RGS6: variants seen among roughly 807,000 people sequenced by gnomAD.
RGS6 encodes regulator of G protein signaling 6.
In RGS6, 30 loss-of-function variants were observed where a neutral mutation model predicts 78.5. The observed-to-expected ratio is 0.38, with a 90% CI of 0.29 to 0.52. The LOEUF is 0.52. RGS6 is among the 20% of genes least tolerant of loss of function. RGS6 has a pLI of 0.85. For synonymous variants in RGS6, 206 were observed against 206.0 expected, an observed-to-expected ratio of 1.00 and a Z score of 0.00; for missense variants, 495 against 609.7, an observed-to-expected ratio of 0.81 and a Z score of 1.98.
chr14:72,360,286 C>G, intron 3 of RGS6, among the ~76,000 whole-genome samples: 1 of 151,952 alleles, frequency 6.6e-6, no homozygotes, highest in Non-Finnish European at 1.5e-5. Flanking sequence ...CTTTGGGAGG[C>G]TGAGGTAGGC....
At chr14:72,243,774 T>C (rs960271472) in intron 2 of RGS6, among the ~76,000 whole-genome samples, 3 of 152,128 alleles carry the variant, frequency 2.0e-5, no homozygotes, top group Non-Finnish European at 4.4e-5. Flanking sequence ...TTTCTTGTCT[T>C]TATAACCCTG....
intron 3 of RGS6, among the ~76,000 whole-genome samples, chr14:72,377,825 A>G (rs114925934): frequency 6.6e-6 from 1 of 152,088 alleles, no homozygotes; most frequent in African/African-American, 2.4e-5. Flanking sequence ...AAAAGATTAA[A>G]AAATTAACCA....
intron 2 of RGS6, among the ~76,000 whole-genome samples, chr14:72,285,192 G>A (rs372742427): frequency 2.0e-5 from 3 of 152,272 alleles, no homozygotes; most frequent in African/African-American, 7.2e-5. Context: ...TGAGGGCATG[G>A]TTGGCTTTGA....
At chr14:72,124,866 C>T (rs1207896558) in intron 2 of RGS6, among the ~76,000 whole-genome samples, 1 of 152,120 alleles carries the variant, frequency 6.6e-6, no homozygotes, top group Non-Finnish European at 1.5e-5. Context: ...ACTCCCATGC[C>T]CTTCTCCAGT....
At chr14:71,957,750 G>A (rs141951656) in intron 1 of RGS6, among the ~76,000 whole-genome samples, 12 of 152,090 alleles carry the variant, frequency 7.9e-5, no homozygotes, top group African/African-American at 2.7e-4. Context: ...TTTAACAGAT[G>A]GAATGCAAAA....
At chr14:72,033,950 C>CA (rs1344790814) in intron 2 of RGS6, among the ~76,000 whole-genome samples, 1 of 152,066 alleles carries the variant, frequency 6.6e-6, no homozygotes, top group Non-Finnish European at 1.5e-5. Context: ...TGATAGTGGC[C>CA]ATCCTAACAG....
chr14:72,019,065 C>T (rs2087758693), intron 2 of RGS6, among the ~76,000 whole-genome samples: 1 of 152,124 alleles, frequency 6.6e-6, no homozygotes, highest in Non-Finnish European at 1.5e-5. Context: ...AAATCAGCTC[C>T]CTAACCATGA....
chr14:72,006,941 T>C (rs1317521513), intron 2 of RGS6, among the ~76,000 whole-genome samples: 1 of 152,154 alleles, frequency 6.6e-6, no homozygotes, highest in African/African-American at 2.4e-5. Context: ...GTTTGGACTT[T>C]GAGGAGGCTG....
At chr14:72,604,453 G>T in the RGS6 span, among the ~76,000 whole-genome samples, 1 of 152,116 alleles carries the variant, frequency 6.6e-6, no homozygotes, top group Non-Finnish European at 1.5e-5. Context: ...ACATATCTGT[G>T]GTTCCATCCT....
intron 15 of RGS6, among the ~76,000 whole-genome samples, chr14:72,527,800 C>A (rs2097136584): frequency 6.6e-6 from 1 of 152,238 alleles, no homozygotes; most frequent in Non-Finnish European, 1.5e-5. Context: ...TCTGTCCACA[C>A]AGCCTCATTT....
At chr14:72,361,573 A>G (rs935184802) in intron 3 of RGS6, among the ~76,000 whole-genome samples, 24 of 152,220 alleles carry the variant, frequency 1.6e-4, no homozygotes, top group African/African-American at 5.1e-4. Context: ...AGATATAACC[A>G]TAGGAACAAG....
intron 8 of RGS6, among the ~76,000 whole-genome samples, chr14:72,471,980 C>G (rs1358837600): frequency 4.6e-5 from 7 of 152,078 alleles, no homozygotes. Flanking sequence ...TTGATTAACT[C>G]TGTGATTACA....
intron 2 of RGS6, among the ~76,000 whole-genome samples, chr14:72,255,314 G>A (rs1485853035): frequency 6.6e-6 from 1 of 152,178 alleles, no homozygotes; most frequent in Non-Finnish European, 1.5e-5. Flanking sequence ...AGTGGTGGGA[G>A]TTTAAACTAC....
chr14:72,007,604 G>A (rs1348678940), intron 2 of RGS6, among the ~76,000 whole-genome samples: 1 of 152,146 alleles, frequency 6.6e-6, no homozygotes, highest in Non-Finnish European at 1.5e-5. Context: ...GCTATTGTTA[G>A]TATATTTTAT....
At chr14:72,459,935 C>CAGT (rs956938020) in intron 6 of RGS6, among the ~76,000 whole-genome samples, 3 of 152,116 alleles carry the variant, frequency 2.0e-5, no homozygotes, top group African/African-American at 7.2e-5. Context: ...CAAGGGTGGT[C>CAGT]AGTATGTTCA....
At chr14:72,331,537 G>A (rs948701069) in intron 2 of RGS6, among the ~76,000 whole-genome samples, 2 of 152,176 alleles carry the variant, frequency 1.3e-5, no homozygotes, top group Non-Finnish European at 2.9e-5. Context: ...GGTGTCGGCC[G>A]GGAGCTGCCT....
intron 3 of RGS6, among the ~76,000 whole-genome samples, chr14:72,374,745 T>G (rs977539825): frequency 6.6e-6 from 1 of 152,236 alleles, no homozygotes; most frequent in Non-Finnish European, 1.5e-5. Context: ...TGTAATTATA[T>G]TCAGATTATA....
At chr14:72,459,543 C>A in intron 5 of RGS6, 89 bp from the exon 6 acceptor site, 1 of 1,210,462 alleles carries the variant, frequency 8.3e-7, no homozygotes, top group South Asian at 1.2e-5. Flanking sequence ...TGGGGGAGAG[C>A]CTGCCATCAG....
At chr14:72,339,370 A>T (rs2529474) in intron 2 of RGS6, among the ~76,000 whole-genome samples, 48,846 of 152,108 alleles carry the variant, frequency 0.32, 8,155 homozygotes, top group South Asian at 0.43. Context: ...CAGCCTCCTG[A>T]ACTGTGAGTA....
Sources: gnomAD v4.1 joint callset for allele counts (sites outside exome capture counted in the v4.1 genomes callset) on GRCh38, gnomAD v4.1.1 for gene constraint, MANE v1.5 for transcripts, NCBI Gene and HGNC (gene_info 2026-07-23, HGNC 2026-07-21) for gene names.